SCRN2: variants seen among roughly 807,000 people sequenced by gnomAD.
SCRN2 encodes secernin 2, also known as secernin-2.
Under a neutral mutation model 40.1 loss-of-function variants are expected in SCRN2, and 30 were observed. The observed-to-expected ratio is 0.75, with a 90% CI of 0.56 to 1.01. The LOEUF is 1.01. SCRN2 is among the 50% of genes least tolerant of loss of function. The probability of loss-of-function intolerance (pLI) is 0.00; values close to 1 mark genes in which losing one functional copy is unlikely to be tolerated. For synonymous variants in SCRN2, 240 were observed against 233.5 expected (o/e 1.03, Z -0.25); for missense variants, 526 against 564.9 (o/e 0.93, Z 0.70).
rs149653266 is a variant in SCRN2, at chr17:47,838,958, G to A, written c.605C>T (p.Ser202Leu). The A allele has an allele frequency of 1.2e-5, 19 of 1,613,944 alleles. No individual in the cohort carries two copies. The highest frequency in any genetic ancestry group is 1.0e-4 in the Admixed American group (6 of 60,010). The change falls in exon 5 of 8, where the codon TCG becomes TTG. Residue 202 changes from serine to leucine, a missense_variant. Coordinates refer to ENST00000290216, the MANE Select transcript of SCRN2 (RefSeq NM_138355.4). Reference sequence around the variant, plus strand: ...AGTCCGCAGCTCCGGGTGTTGGGCCGAGATGTCCGTGCCAATGCTCAGCTG... The same window carrying A: ...AGTCCGCAGCTCCGGGTGTTGGGCCAAGATGTCCGTGCCAATGCTCAGCTG... ...SNQLSIGTDI[S>L]AQHPELRTHA...
chr17:47,840,516 C>A, intron 2 of SCRN2, 144 bp from the exon 3 acceptor site: 1 of 1,227,840 alleles, frequency 8.1e-7, no homozygotes, highest in Non-Finnish European at 1.1e-6. Context: ...TAGACTGAGG[C>A]TACATAATGA....
Position 47,838,412 on chromosome 17 carries a change from G to A in SCRN2, c.977C>T (p.Ala326Val). 6.2e-7 allele frequency: 1 copy of A among 1,611,396 alleles called. No individual in the cohort carries two copies. Among genetic ancestry groups the A allele is most frequent in the Non-Finnish European group, 8.5e-7 (1 of 1,179,256 alleles). ...FKPFIFGMGV[A>V]QAPQVLSPTF... ...GGGGGACAGCACCTGGGGGGCCTGG[G>A]CCACCCCCATCCCGAAGATGAAAGG... The change falls in exon 7 of 8, where the codon GCC becomes GTC. Residue 326 changes from alanine to valine, a missense_variant. Physicochemically the swap from Ala to Val is moderately conservative, Grantham distance 64. Coordinates refer to ENST00000290216, the MANE Select transcript of SCRN2 (RefSeq NM_138355.4).
At chr17:47,841,146 C>G in intron 1 of SCRN2, 62 bp downstream of exon 1, 1 of 299,484 alleles carries the variant, frequency 3.3e-6, no homozygotes, top group Non-Finnish European at 6.2e-6. Context: ...CTGCGCATGC[C>G]CAGATACCCG....
rs750983392 is a variant in SCRN2 at position 47,839,562 on chromosome 17, G to GC, written c.437dup (p.Asn147GlnfsTer13). The GC allele has an allele frequency of 1.2e-6, 2 of 1,614,028 alleles. No homozygotes were observed. The highest frequency in any genetic ancestry group is 1.1e-5 in the South Asian group (1 of 91,088). ...ATGGCGCAGCATCCTCCAGGCAGTT[G>GC]CCCCCCTGCCCATAGTGCTCCAGTA... is the stretch of plus-strand genomic sequence containing the variant. On this transcript the variant is annotated frameshift_variant, in exon 4 of 8. Transcript: ENST00000290216. LOFTEE classifies it high-confidence loss of function.
Position 47,837,817 on chromosome 17 carries a change from AC to A in SCRN2, c.*26del. The A allele has an allele frequency of 6.4e-7, 1 of 1,571,160 alleles. No individual in the cohort carries two copies. Among genetic ancestry groups the A allele is most frequent in the Non-Finnish European group, 8.6e-7 (1 of 1,168,772 alleles). Reference sequence around the variant, plus strand: ...CCCAGGCCCCAGGGGTCCTGGGTCCACCCCAGGCCAGCAGAAGCTATGAAGC... The same window carrying A: ...CCCAGGCCCCAGGGGTCCTGGGTCCACCCAGGCCAGCAGAAGCTATGAAGC... On this transcript the variant is annotated 3_prime_UTR_variant, in exon 8 of 8. Transcript: ENST00000290216.
intron 7 of SCRN2, 59 bp downstream of exon 7, chr17:47,838,211 A>G: frequency 6.4e-7 from 1 of 1,567,498 alleles, no homozygotes. Flanking sequence ...CCAGAGTCCC[A>G]CTGGGAGTGG....
rs1018474256 is a variant in SCRN2 at position 47,840,785 on chromosome 17, G to C, written c.59C>G (p.Pro20Arg). 1.3e-6 allele frequency: 2 copies of C among 1,578,690 alleles called. No individual in the cohort carries two copies. Among genetic ancestry groups the C allele is most frequent in the African/African-American group, 1.4e-5 (1 of 73,658 alleles). The change falls in exon 2 of 8, where the codon CCG becomes CGG. Residue 20 changes from proline (P) to arginine (R), a missense_variant. By Grantham distance (103) the Pro-to-Arg change is moderately radical. Transcript: ENST00000290216. ...GATCACAGCCGGGATGGCTGAGGCC[G>C]GGGGCACGGAGACAAAGCAGTCGCA... is the stretch of plus-strand genomic sequence containing the variant. Reference protein sequence around the residue: ...CSCDCFVSVPPASAIPAVIFA... With the variant: ...CSCDCFVSVPRASAIPAVIFA...
rs1021311568 is a variant in SCRN2, at chr17:47,837,790, C to T, written c.*54G>A. Reference sequence around the variant, plus strand: ...TGCTCCACTTTACCACCACTCAGGGCACCCAGGCCCCAGGGGTCCTGGGTC... The same window carrying T: ...TGCTCCACTTTACCACCACTCAGGGTACCCAGGCCCCAGGGGTCCTGGGTC... On this transcript the variant is annotated 3_prime_UTR_variant, in exon 8 of 8. Coordinates refer to ENST00000290216, the MANE Select transcript of SCRN2 (RefSeq NM_138355.4). 19 of 1,526,322 alleles carry T rather than the reference C, an allele frequency of 1.2e-5. No homozygotes were observed. The highest frequency in any genetic ancestry group is 3.6e-4 in the Middle Eastern group (2 of 5,500). 94.5% of individuals were successfully genotyped at this position (1,526,322 alleles called of 1,614,324 possible).
chr17:47,838,945 C>T lies in SCRN2; in HGVS notation c.618G>A (p.Pro206=), dbSNP rs201859524. 4.2e-5 allele frequency: 68 copies of T among 1,614,036 alleles called. No individual in the cohort carries two copies. The East Asian group carries it at 8.9e-4, about 21-fold the overall frequency. Residue 206 remains proline, a synonymous_variant, in exon 5 of 8, where the codon CCG becomes CCA. Coordinates refer to ENST00000290216, the MANE Select transcript of SCRN2 (RefSeq NM_138355.4). ...TGGCCTGGGCATGAGTCCGCAGCTC[C>T]GGGTGTTGGGCCGAGATGTCCGTGC... ...SIGTDISAQH[P]ELRTHAQAKG...
intron 2 of SCRN2, 124 bp downstream of exon 2, chr17:47,840,546 G>A: frequency 7.8e-7 from 1 of 1,282,064 alleles, no homozygotes; most frequent in Non-Finnish European, 1.1e-6. Context: ...CAGGTTGGTA[G>A]ACCTAAAGCT....
chr17:47,839,586 T>G lies in SCRN2; in HGVS notation c.414A>C (p.Leu138Phe), dbSNP rs1477260134. ...AQEALHVITG[L>F]LEHYGQGGNC... ...TGCCCCCCTGCCCATAGTGCTCCAGTAACCCTGTGATCACATGCAAGGCCT... is the reference window on the plus strand; with the variant it reads ...TGCCCCCCTGCCCATAGTGCTCCAGGAACCCTGTGATCACATGCAAGGCCT... The change falls in exon 4 of 8, where the codon TTA (leucine) becomes TTC (phenylalanine). Residue 138 changes from leucine (L) to phenylalanine (F), a missense_variant. Leu to Phe is a conservative substitution (Grantham distance 22, BLOSUM62 0). Transcript: ENST00000290216. 1 of 1,614,052 alleles carries G rather than the reference T, an allele frequency of 6.2e-7. No individual in the cohort carries two copies. The highest frequency in any genetic ancestry group is 1.7e-5 in the Admixed American group (1 of 60,028).
rs146219626 is a variant in SCRN2, at chr17:47,839,503, C to T, written c.497G>A (p.Arg166His). 8 of 1,613,742 alleles carry T rather than the reference C, an allele frequency of 5.0e-6. No individual in the cohort carries two copies. Among genetic ancestry groups the T allele is most frequent in the East Asian group, 4.5e-5 (2 of 44,896 alleles). Residue 166 changes from arginine (R) to histidine (H), a missense_variant, in exon 4 of 8, where the codon CGC becomes CAC. Transcript: ENST00000290216. ...TGTCTCCAGCACCCACGCCTCAGTG[C>T]GGTCAGCCAGCAGGAAGGTGCTATG... Reference protein sequence around the residue: ...SYHSTFLLADRTEAWVLETAG... With the variant: ...SYHSTFLLADHTEAWVLETAG...
intron 3 of SCRN2, 104 bp from the exon 4 acceptor site, chr17:47,839,747 G>A (rs2033784078): frequency 8.3e-7 from 1 of 1,207,886 alleles, no homozygotes; most frequent in Non-Finnish European, 1.2e-6. Flanking sequence ...TTGGTGATAG[G>A]CCCAAGTCAC....
At chr17:47,838,031 T>C in intron 7 of SCRN2, 29 bp from the exon 8 acceptor site, 1 of 1,593,622 alleles carries the variant, frequency 6.3e-7, no homozygotes, top group Non-Finnish European at 8.5e-7. Flanking sequence ...GAGATGAGTC[T>C]GTCCGGGACA....
Position 47,837,778 on chromosome 17 carries a change from C to T in SCRN2, c.*66G>A. 1 of 1,511,740 alleles carries T rather than the reference C, an allele frequency of 6.6e-7. No individual in the cohort carries two copies. The allele number at this position is 1,511,740 out of a possible 1,614,324, so 93.6% of individuals were successfully genotyped here. On this transcript the variant is annotated 3_prime_UTR_variant, in exon 8 of 8. Transcript: ENST00000290216. ...GCGTGAAGGGATTGCTCCACTTTAC[C>T]ACCACTCAGGGCACCCAGGCCCCAG...
rs1350061315 is a variant in SCRN2 at position 47,839,004 on chromosome 17, C to A, written c.559G>T (p.Gly187Trp). The A allele has an allele frequency of 6.2e-7, 1 of 1,613,786 alleles. No individual in the cohort carries two copies. Among genetic ancestry groups the A allele is most frequent in the African/African-American group, 1.3e-5 (1 of 75,058 alleles). ...AGCTGGTTGGAGATGTTGCGGGCCC[C>A]CTCTGTGGAGGAGATCGGGGAGTGG... is the stretch of plus-strand genomic sequence containing the variant. ...RLWAAQRIQE[G>W]ARNISNQLSI... The change falls in exon 5 of 8, where the codon GGG becomes TGG. Residue 187 changes from glycine to tryptophan, a missense_variant and splice_region_variant. Gly to Trp is a radical substitution (Grantham distance 184). Coordinates refer to ENST00000290216, the MANE Select transcript of SCRN2 (RefSeq NM_138355.4).
rs772529577 is a variant in SCRN2, at chr17:47,840,746, G to A, written c.98C>T (p.Ser33Leu). 6.3e-7 allele frequency: 1 copy of A among 1,598,054 alleles called. No individual in the cohort carries two copies. Among genetic ancestry groups the A allele is most frequent in the Non-Finnish European group, 8.5e-7 (1 of 1,171,224 alleles). ...AIPAVIFAKN[S>L]DRPRDEVQEV... The stretch of plus-strand genomic sequence containing the variant: ...CTGCACCTCGTCCCGGGGTCGGTCC[G>A]AGTTCTTGGCAAAGATCACAGCCGG... The change falls in exon 2 of 8, where the codon TCG becomes TTG. Residue 33 changes from serine (S) to leucine (L), a missense_variant. Ser to Leu is a moderately radical substitution (Grantham distance 145, BLOSUM62 -2). Transcript: ENST00000290216.
rs779572419 is a variant in SCRN2 at position 47,840,823 on chromosome 17, G to A, written c.21C>T (p.Asp7=). The part of the protein sequence containing the change: MASSSP[D]SPCSCDCFVS... The stretch of plus-strand genomic sequence containing the variant: ...CAAAGCAGTCGCAGGAACATGGGGA[G>A]TCAGGGCTCGACGACGCCATCTGGG... Residue 7 remains aspartate, a synonymous_variant, in exon 2 of 8, where the codon GAC becomes GAT. Coordinates refer to ENST00000290216, the MANE Select transcript of SCRN2 (RefSeq NM_138355.4). 5 of 1,542,786 alleles carry A rather than the reference G, an allele frequency of 3.2e-6. No individual in the cohort carries two copies. In the African/African-American group the frequency reaches 4.1e-5, roughly 13 times the overall value.
intron 4 of SCRN2, 27 bp from the exon 5 acceptor site, chr17:47,839,033 A>G (rs138963955): frequency 3.9e-5 from 63 of 1,609,460 alleles, no homozygotes; most frequent in Non-Finnish European, 5.0e-5. Context: ...GGAGTGGTTC[A>G]TTTACCATTG....
Sources: gnomAD v4.1 joint callset for allele counts on GRCh38, gnomAD v4.1.1 for gene constraint, MANE v1.5 for transcripts, NCBI Gene and HGNC (gene_info 2026-07-23, HGNC 2026-07-21) for gene names.